Variants in SNTB1 observed in about 807,000 individuals in gnomAD.
SNTB1 encodes syntrophin beta 1.
SNTB1 carries 36 observed loss-of-function variants against 48.9 expected under a neutral mutation model. That is an observed-to-expected ratio of 0.74 (90% CI 0.56 to 0.97). SNTB1 has a LOEUF of 0.97. Among genes scored for constraint, SNTB1 ranks in the 50% least tolerant of loss-of-function variants. The probability of loss-of-function intolerance (pLI) is 0.00; values close to 1 mark genes in which losing one functional copy is unlikely to be tolerated. For missense variants in SNTB1, 786 were observed against 703.4 expected (o/e 1.12, Z -1.33); for synonymous variants, 299 against 294.6 (o/e 1.01, Z -0.15).
chr8:120,564,192 C>A (rs1231767070), intron 4 of SNTB1, among the ~76,000 whole-genome samples: 2 of 151,942 alleles, frequency 1.3e-5, no homozygotes, highest in African/African-American at 4.8e-5. Context: ...GTGTTGAAGC[C>A]CTAACCTCCA....
chr8:120,616,249 A>AT (rs1290466571), intron 3 of SNTB1, among the ~76,000 whole-genome samples: 8 of 151,330 alleles, frequency 5.3e-5, no homozygotes, highest in African/African-American at 1.9e-4. Context: ...GCAGTTGGTG[A>AT]TTTTAGATTC....
At chr8:120,682,898 T>G (rs867658526) in intron 2 of SNTB1, among the ~76,000 whole-genome samples, 11 of 150,630 alleles carry the variant, frequency 7.3e-5, no homozygotes, top group Middle Eastern at 3.4e-3. Flanking sequence ...TTTTTTTTTT[T>G]TGAGATGGGG....
At chr8:120,706,433 T>G (rs1441660161) in intron 1 of SNTB1, among the ~76,000 whole-genome samples, 1 of 152,166 alleles carries the variant, frequency 6.6e-6, no homozygotes, top group Non-Finnish European at 1.5e-5. Flanking sequence ...CTACAGAATA[T>G]GATTCAATAC....
intron 2 of SNTB1, among the ~76,000 whole-genome samples, chr8:120,643,791 T>C (rs1193292648): frequency 1.3e-5 from 2 of 152,226 alleles, no homozygotes; most frequent in African/African-American, 4.8e-5. Context: ...AGTCATGGGA[T>C]TGCTGGATCA....
intron 4 of SNTB1, among the ~76,000 whole-genome samples, chr8:120,567,167 G>A (rs912347321): frequency 1.3e-5 from 2 of 152,178 alleles, no homozygotes; most frequent in Non-Finnish European, 2.9e-5. Flanking sequence ...ATGGGGTTGT[G>A]AGGGTTGAAT....
intron 3 of SNTB1, among the ~76,000 whole-genome samples, chr8:120,582,833 G>T (rs894976680): frequency 2.0e-5 from 3 of 152,090 alleles, no homozygotes; most frequent in Non-Finnish European, 4.4e-5. Context: ...CCTAGATAAT[G>T]GGTTGATAGG....
intron 4 of SNTB1, chr8:120,570,632 C>A (rs72680551): frequency 0.21 from 32,419 of 152,186 alleles, 3,633 homozygotes; most frequent in Middle Eastern, 0.31. Context: ...ACACTAATAC[C>A]GGCCTTGCAG....
At chr8:120,644,494 A>G (rs1476373031) in intron 2 of SNTB1, among the ~76,000 whole-genome samples, 1 of 152,080 alleles carries the variant, frequency 6.6e-6, no homozygotes, top group Non-Finnish European at 1.5e-5. Context: ...ACATGAACTC[A>G]TCATTTTTTA....
chr8:120,564,392 C>G (rs1038300076), intron 4 of SNTB1, among the ~76,000 whole-genome samples: 1 of 149,130 alleles, frequency 6.7e-6, no homozygotes. Context: ...GAAGATGGTC[C>G]TCACCAGAAA....
At chr8:120,540,094 C>G (rs1815261493) in intron 6 of SNTB1, among the ~76,000 whole-genome samples, 1 of 152,098 alleles carries the variant, frequency 6.6e-6, no homozygotes, top group Non-Finnish European at 1.5e-5. Context: ...TACTTCAATC[C>G]GTGTATTTTA....
At chr8:120,734,230 G>A (rs1414265129) in intron 1 of SNTB1, among the ~76,000 whole-genome samples, 1 of 152,076 alleles carries the variant, frequency 6.6e-6, no homozygotes, top group African/African-American at 2.4e-5. Flanking sequence ...GATCACCTGA[G>A]GTCAGGAGGT....
At chr8:120,768,046 A>T (rs893539840) in intron 1 of SNTB1, among the ~76,000 whole-genome samples, 2 of 152,126 alleles carry the variant, frequency 1.3e-5, no homozygotes, top group African/African-American at 4.8e-5. Flanking sequence ...AACTGCATTC[A>T]ATTGGTTTGT....
chr8:120,811,829 C>G lies in SNTB1; in HGVS notation c.15G>C (p.Ala5=). 2.2e-6 allele frequency: 3 copies of G among 1,344,876 alleles called. No homozygotes were observed. The highest frequency in any genetic ancestry group is 2.9e-6 in the Non-Finnish European group (3 of 1,051,302). 83.3% of individuals were successfully genotyped at this position (1,344,876 alleles called of 1,614,324 possible). A position where few individuals can be genotyped will look rare whatever the true frequency, so the allele number is the denominator to read the frequency against. Reference sequence around the variant, plus strand: ...CAGCCGGCCCAGCCGCCGCCGCCGCCGCCGCTACCGCCATCTTTCCGGCAT... The same window carrying G: ...CAGCCGGCCCAGCCGCCGCCGCCGCGGCCGCTACCGCCATCTTTCCGGCAT... The part of the protein sequence containing the change: MAVA[A]AAAAAGPAGA... The change falls in exon 1 of 7, where the codon GCG becomes GCC. Residue 5 remains alanine (A), a synonymous_variant. Transcript: ENST00000517992.
At chr8:120,730,995 C>A (rs1302835350) in intron 1 of SNTB1, among the ~76,000 whole-genome samples, 1 of 152,038 alleles carries the variant, frequency 6.6e-6, no homozygotes, top group African/African-American at 2.4e-5. Context: ...GTGGCAAGCA[C>A]CTGTAATTCC....
chr8:120,599,611 C>G (rs1816388765), intron 3 of SNTB1, among the ~76,000 whole-genome samples: 1 of 152,184 alleles, frequency 6.6e-6, no homozygotes, highest in South Asian at 2.1e-4. Context: ...ATCCCACTTC[C>G]ATTCATTTGC....
chr8:120,718,085 A>G (rs1818593809), intron 1 of SNTB1, among the ~76,000 whole-genome samples: 1 of 152,210 alleles, frequency 6.6e-6, no homozygotes, highest in Non-Finnish European at 1.5e-5. Context: ...CCAAGGGGAT[A>G]GGCCCAATTG....
Position 120,638,634 on chromosome 8 carries a change from C to T in SNTB1, c.789-5983G>A, listed in dbSNP as rs577824471. ...AAGTGTTCTTATTGTTCAATTCCCACCTATGAGTGAGAACATGTGGTGTTT... is the reference window on the plus strand; with the variant it reads ...AAGTGTTCTTATTGTTCAATTCCCATCTATGAGTGAGAACATGTGGTGTTT... On this transcript the variant is annotated intron_variant, in intron 2 of 6. Transcript: ENST00000517992. 5.5e-4 allele frequency among the ~76,000 whole-genome samples: 83 copies of T among 152,094 alleles called. 1 individual carries two copies. The highest frequency in any genetic ancestry group is 7.5e-4 in the Non-Finnish European group (51 of 68,032).
intron 1 of SNTB1, among the ~76,000 whole-genome samples, chr8:120,716,969 G>T (rs1312877523): frequency 6.6e-6 from 1 of 152,122 alleles, no homozygotes; most frequent in East Asian, 1.9e-4. Context: ...ACTCCTCTCT[G>T]CAGAAATCCT....
chr8:120,648,700 C>G (rs1563841349), intron 2 of SNTB1, among the ~76,000 whole-genome samples: 1 of 151,800 alleles, frequency 6.6e-6, no homozygotes, highest in African/African-American at 2.4e-5. Context: ...TTTCCTGAAT[C>G]TGAACGTTGG....
Sources: gnomAD v4.1 joint callset for allele counts (sites outside exome capture counted in the v4.1 genomes callset) on GRCh38, gnomAD v4.1.1 for gene constraint, MANE v1.5 for transcripts, NCBI Gene and HGNC (gene_info 2026-07-23, HGNC 2026-07-21) for gene names.